VASH2: variants seen among roughly 807,000 people sequenced by gnomAD.
VASH2 encodes the protein vasohibin 2.
Under a neutral mutation model 37.2 loss-of-function variants are expected in VASH2, and 28 were observed. That is an observed-to-expected ratio of 0.75 (90% CI 0.56 to 1.03). The LOEUF (loss-of-function observed/expected upper bound fraction) is 1.03. VASH2 is among the 50% of genes least tolerant of loss of function. The pLI is 0.00. For synonymous variants in VASH2, 188 were observed against 174.7 expected (o/e 1.08, Z -0.60); for missense variants, 419 against 459.1 (o/e 0.91, Z 0.80).
In VASH2 at chr1:212,951,643, C is replaced by A. The variant is rs574615632; in HGVS notation, c.101C>A (p.Thr34Asn). Reference protein sequence around the residue: ...SSHARPVSLATSGGSEEEDKD... With the variant: ...SSHARPVSLANSGGSEEEDKD... ...CACGCGCGGCCCGTGAGCCTCGCCA[C>A]CAGCGGGGGCTCAGAGGAGGAGGAC... Residue 34 changes from threonine (T) to asparagine (N), a missense_variant, in exon 2 of 8, where the codon ACC (threonine) becomes AAC (asparagine). Thr to Asn is a moderately conservative substitution (Grantham distance 65, BLOSUM62 0). Coordinates refer to ENST00000517399, the MANE Select transcript of VASH2 (RefSeq NM_001301056.2). The surrounding 1 kb of genome is among the most constrained non-coding windows in gnomAD (Gnocchi z 4.4). 1.3e-6 allele frequency: 2 copies of A among 1,582,150 alleles called. No homozygotes were observed. The highest frequency in any genetic ancestry group is 2.3e-5 in the South Asian group (2 of 86,376).
Position 212,974,004 on chromosome 1 carries a change from G to A in VASH2, c.929G>A (p.Gly310Glu). Residue 310 changes from glycine to glutamate, a missense_variant, in exon 7 of 8, where the codon GGA becomes GAA. Physicochemically the swap from Gly to Glu is moderately conservative, Grantham distance 98. Around this residue, in one of 3 missense-constraint regions of VASH2, gnomAD observed 177 missense variants for 166.2 expected, o/e 1.06. Coordinates refer to ENST00000517399, the MANE Select transcript of VASH2 (RefSeq NM_001301056.2). ...TCTCCGACCCAAGTGAGAAGCCGGG[G>A]AAAATCCCTGTCCCCCAGAAGGAGA... ...AHSPTQVRSR[G>E]KSLSPRRRQA... The A allele has an allele frequency of 6.2e-7, 1 of 1,613,940 alleles. No individual in the cohort carries two copies. Among genetic ancestry groups the A allele is most frequent in the African/African-American group, 1.3e-5 (1 of 75,034 alleles).
chr1:212,986,147 AAAT>A (rs542135280), intron 7 of VASH2, among the ~76,000 whole-genome samples: 26 of 152,336 alleles, frequency 1.7e-4, no homozygotes, highest in African/African-American at 6.0e-4. Context: ...GGTAGTATGG[AAAT>A]AATATTTTAC....
chr1:212,953,230 C>CG (rs60925258), intron 2 of VASH2, among the ~76,000 whole-genome samples: 15,496 of 125,616 alleles, frequency 0.12, 839 homozygotes, highest in South Asian at 0.21. Context: ...TGCGGGTGCG[C>CG]GGGGGGGGGT....
intron 7 of VASH2, among the ~76,000 whole-genome samples, chr1:212,984,709 G>A (rs1225910775): frequency 6.6e-6 from 1 of 152,202 alleles, no homozygotes; most frequent in Non-Finnish European, 1.5e-5. Context: ...GGTCCTACAA[G>A]GACCATGGAA....
At chr1:212,960,386 G>T (rs997810835) in intron 2 of VASH2, among the ~76,000 whole-genome samples, 24 of 152,190 alleles carry the variant, frequency 1.6e-4, no homozygotes, top group Non-Finnish European at 3.2e-4. Context: ...AGCCAGAGGA[G>T]CTGCACTTGT....
At chr1:212,954,137 T>C (rs188636424) in intron 2 of VASH2, among the ~76,000 whole-genome samples, 184 of 152,310 alleles carry the variant, frequency 1.2e-3, no homozygotes, top group Non-Finnish European at 1.8e-3. Context: ...GGTCTCAAAC[T>C]TCTAGGCTCG....
Position 212,951,230 on chromosome 1 carries a change from G to A in VASH2, c.-204-109G>A, listed in dbSNP as rs945081651. Reference sequence around the variant, plus strand: ...TCATCGATTCTCAGGGAGGCTGTCAGCGTGCAGGGGGGAGCGGGGAGTGTC... The same window carrying A: ...TCATCGATTCTCAGGGAGGCTGTCAACGTGCAGGGGGGAGCGGGGAGTGTC... On this transcript the variant is annotated intron_variant, in intron 1 of 7. Transcript: ENST00000517399. The surrounding 1 kb of genome is among the most constrained non-coding windows in gnomAD (Gnocchi z 4.4). The A allele has an allele frequency of 1.3e-5, 2 of 152,674 alleles. No homozygotes were observed. The highest frequency in any genetic ancestry group is 2.9e-5 in the Non-Finnish European group (2 of 68,372). The allele number at this position is 152,674 out of a possible 1,614,324, so 9.5% of individuals were successfully genotyped here.
rs747833049 is a variant in VASH2, at chr1:212,974,010, C to A, written c.935C>A (p.Ser312Tyr). 6.2e-6 allele frequency: 10 copies of A among 1,613,848 alleles called. No homozygotes were observed. In the East Asian group the frequency reaches 2.2e-4, roughly 36 times the overall value. Residue 312 changes from serine to tyrosine, a missense_variant, in exon 7 of 8, where the codon TCC becomes TAC. Physicochemically the swap from Ser to Tyr is moderately radical, Grantham distance 144. Around this residue, in one of 3 missense-constraint regions of VASH2, gnomAD observed 177 missense variants for 166.2 expected, o/e 1.06. Transcript: ENST00000517399. The part of the protein sequence containing the change: ...SPTQVRSRGK[S>Y]LSPRRRQASP... Reference sequence around the variant, plus strand: ...ACCCAAGTGAGAAGCCGGGGAAAATCCCTGTCCCCCAGAAGGAGACAGGCA... The same window carrying A: ...ACCCAAGTGAGAAGCCGGGGAAAATACCTGTCCCCCAGAAGGAGACAGGCA...
chr1:212,986,342 T>C (rs1427196792), intron 7 of VASH2, among the ~76,000 whole-genome samples: 1 of 152,226 alleles, frequency 6.6e-6, no homozygotes, highest in Non-Finnish European at 1.5e-5. Context: ...ATCAGGCTGA[T>C]GCTAATGTAT....
At chr1:212,977,278 C>A (rs532527234) in intron 7 of VASH2, among the ~76,000 whole-genome samples, 13 of 152,282 alleles carry the variant, frequency 8.5e-5, no homozygotes, top group African/African-American at 2.6e-4. Context: ...CGGCTTTGAG[C>A]AAGCTGCTTC....
chr1:212,966,224 T>A (rs1666837147), intron 4 of VASH2, 47 bp from the exon 5 acceptor site: 2 of 1,495,352 alleles, frequency 1.3e-6, no homozygotes, highest in Non-Finnish European at 1.8e-6. Flanking sequence ...TGACCGAGTG[T>A]GTAATTAAAT....
rs1419378673 is a variant in VASH2, at chr1:212,971,243, G to A, written c.498-1337G>A. Reference sequence around the variant, plus strand: ...CCACCTTCTGGCTATTGCAAATGATGCTGTTCAGAGCATGGGTGTACAAAT... The same window carrying A: ...CCACCTTCTGGCTATTGCAAATGATACTGTTCAGAGCATGGGTGTACAAAT... On this transcript the variant is annotated intron_variant, in intron 5 of 7. Coordinates refer to ENST00000517399, the MANE Select transcript of VASH2 (RefSeq NM_001301056.2). This position sits in a 1 kb window ranked among gnomAD's most constrained non-coding sequence, Gnocchi z 4.0. Among the ~76,000 whole-genome samples the A allele has an allele frequency of 1.3e-5, 2 of 152,214 alleles. No individual in the cohort carries two copies. Among genetic ancestry groups the A allele is most frequent in the African/African-American group, 4.8e-5 (2 of 41,432 alleles).
At chr1:212,977,512 G>C (rs1667213589) in intron 7 of VASH2, among the ~76,000 whole-genome samples, 1 of 151,592 alleles carries the variant, frequency 6.6e-6, no homozygotes, top group Admixed American at 6.6e-5. Flanking sequence ...ACATGGTATG[G>C]AAGGCTACAG....
chr1:212,950,912 G>A lies in VASH2; in HGVS notation c.-205+172G>A, dbSNP rs186843565. Among the ~76,000 whole-genome samples the A allele has an allele frequency of 6.6e-6, 1 of 152,390 alleles. No homozygotes were observed. The highest frequency in any genetic ancestry group is 1.9e-4 in the East Asian group (1 of 5,190). ...TGGAAGAAAGCGGGCCGCCTTGCAA[G>A]CCAAGGCTGCTGCAGCGCCCTCGCG... On this transcript the variant is annotated intron_variant, in intron 1 of 7. Coordinates refer to ENST00000517399, the MANE Select transcript of VASH2 (RefSeq NM_001301056.2). The surrounding 1 kb of genome is among the most constrained non-coding windows in gnomAD (Gnocchi z 5.5).
chr1:212,953,233 G>GGT (rs1553271284), intron 2 of VASH2, among the ~76,000 whole-genome samples: 1 of 126,650 alleles, frequency 7.9e-6, no homozygotes, highest in African/African-American at 2.6e-5. Context: ...GGGTGCGCGG[G>GGT]GGGGGGTGCA....
At chr1:212,987,957 G>A (rs894015121) in intron 7 of VASH2, among the ~76,000 whole-genome samples, 1 of 152,204 alleles carries the variant, frequency 6.6e-6, no homozygotes, top group Non-Finnish European at 1.5e-5. Context: ...ACGTTTCTAG[G>A]GAAGAGATGT....
chr1:212,967,371 A>T (rs1262081568), intron 5 of VASH2: 18 of 1,204,286 alleles, frequency 1.5e-5, no homozygotes, highest in Non-Finnish European at 1.9e-5. Flanking sequence ...TTTGAGCCTG[A>T]TCTGCCACAA....
chr1:212,977,351 A>G (rs1667208211), intron 7 of VASH2, among the ~76,000 whole-genome samples: 1 of 152,176 alleles, frequency 6.6e-6, no homozygotes, highest in Non-Finnish European at 1.5e-5. Context: ...GTAGTTTGTA[A>G]ACTCTATAGA....
chr1:212,964,091 C>CT (rs1666762289), intron 3 of VASH2, among the ~76,000 whole-genome samples: 1 of 152,098 alleles, frequency 6.6e-6, no homozygotes, highest in Admixed American at 6.6e-5. Context: ...CTTGGGAGGC[C>CT]CCCCAGCCCT....
Sources: gnomAD v4.1 joint callset for allele counts (sites outside exome capture counted in the v4.1 genomes callset) on GRCh38, gnomAD v4.1.1 for gene constraint, gnomAD v4.1.1 regional missense constraint, Gnocchi (gnomAD v3.1) non-coding constraint, MANE v1.5 for transcripts, NCBI Gene and HGNC (gene_info 2026-07-23, HGNC 2026-07-21) for gene names.